CREBBP: variants seen among roughly 807,000 people sequenced by gnomAD.
CREBBP encodes the protein CREB-binding protein.
A neutral mutation model predicts 265.0 loss-of-function variants in CREBBP; 19 were observed. The observed-to-expected ratio is 0.07, with a 90% confidence interval of 0.05 to 0.11. The LOEUF (loss-of-function observed/expected upper bound fraction) is 0.11, where lower values mean the gene tolerates loss of function less well. Ranked by LOEUF, CREBBP falls within the 10% of genes least tolerant of loss-of-function variation. The pLI, the probability that CREBBP is intolerant of heterozygous loss-of-function variation, is 1.00. For synonymous variants in CREBBP, 1,457 were observed against 1,223.7 expected, an observed-to-expected ratio of 1.19 and a Z score of -3.98; for missense variants, 2,525 against 3,219.0, an observed-to-expected ratio of 0.78 and a Z score of 5.22.
At chr16:3,841,816 A>G (rs1335361738) in intron 2 of CREBBP, among the ~76,000 whole-genome samples, 1 of 152,202 alleles carries the variant, frequency 6.6e-6, no homozygotes, top group Admixed American at 6.5e-5. Flanking sequence ...AATTACGGTC[A>G]CCGGTGAGCT....
intron 2 of CREBBP, among the ~76,000 whole-genome samples, chr16:3,845,313 T>G (rs2054644136): frequency 6.6e-6 from 1 of 152,096 alleles, no homozygotes; most frequent in South Asian, 2.1e-4. Flanking sequence ...ACTAGTGAGG[T>G]CATATACTAA....
chr16:3,767,951 C>T, intron 15 of CREBBP, 42 bp from the exon 16 acceptor site: 1 of 1,587,758 alleles, frequency 6.3e-7, no homozygotes, highest in Non-Finnish European at 8.6e-7. Context: ...TATCAAACAC[C>T]TTTATGTTAC....
chr16:3,865,281 G>A (rs925618833), intron 1 of CREBBP, among the ~76,000 whole-genome samples: 1 of 152,178 alleles, frequency 6.6e-6, no homozygotes, highest in African/African-American at 2.4e-5. Flanking sequence ...ATTCATTAAA[G>A]CACTGTTTGT....
intron 9 of CREBBP, among the ~76,000 whole-genome samples, 155 bp from the exon 10 acceptor site, chr16:3,778,337 T>C (rs908602462): frequency 6.6e-6 from 1 of 152,254 alleles, no homozygotes; most frequent in Admixed American, 6.5e-5. Flanking sequence ...ACATTCTTGC[T>C]GAATTCCCAA....
chr16:3,764,226 C>T (rs60661396), intron 16 of CREBBP, among the ~76,000 whole-genome samples: 1 of 151,990 alleles, frequency 6.6e-6, no homozygotes, highest in East Asian at 1.9e-4. Context: ...CCTGCCTTAG[C>T]CTCCCAAAGT....
intron 26 of CREBBP, 88 bp downstream of exon 26, chr16:3,738,471 A>G: frequency 1.2e-6 from 1 of 837,930 alleles, no homozygotes; most frequent in Non-Finnish European, 2.0e-6. Flanking sequence ...AACGCATAAA[A>G]CTTAAAATAC....
intron 1 of CREBBP, among the ~76,000 whole-genome samples, chr16:3,864,963 G>T (rs745709317): frequency 2.6e-5 from 4 of 152,146 alleles, no homozygotes; most frequent in African/African-American, 7.2e-5. Flanking sequence ...GGAGGCTGAG[G>T]CACCAGAATC....
chr16:3,821,835 G>A (rs1039028488), intron 2 of CREBBP, among the ~76,000 whole-genome samples: 2 of 152,258 alleles, frequency 1.3e-5, no homozygotes, highest in African/African-American at 2.4e-5. Context: ...TTGGAGACCC[G>A]CCTGGCCAAT....
At chr16:3,740,688 T>C in intron 23 of CREBBP, 139 bp from the exon 24 acceptor site, 1 of 1,008,642 alleles carries the variant, frequency 9.9e-7, no homozygotes, top group Non-Finnish European at 1.5e-6. Flanking sequence ...GGAAGAAATC[T>C]AATCTGTCCT....
chr16:3,831,048 G>C (rs2054333706), intron 2 of CREBBP, among the ~76,000 whole-genome samples: 1 of 152,186 alleles, frequency 6.6e-6, no homozygotes, highest in African/African-American at 2.4e-5. Context: ...CCAAAGTGCT[G>C]GGATTACAGG....
intron 1 of CREBBP, among the ~76,000 whole-genome samples, chr16:3,868,592 G>C (rs966896064): frequency 2.0e-4 from 30 of 152,154 alleles, no homozygotes; most frequent in African/African-American, 7.0e-4. Flanking sequence ...CAAGGCCCTT[G>C]GTGATGTTAT....
chr16:3,777,523 A>G (rs1477432033), intron 11 of CREBBP, 90 bp downstream of exon 11: 1 of 1,351,102 alleles, frequency 7.4e-7, no homozygotes, highest in Non-Finnish European at 1.1e-6. Context: ...AGGGTTAGAA[A>G]GAAATATACA....
At chr16:3,815,137 T>C (rs1386305666) in intron 2 of CREBBP, among the ~76,000 whole-genome samples, 1 of 152,220 alleles carries the variant, frequency 6.6e-6, no homozygotes, top group African/African-American at 2.4e-5. Flanking sequence ...TCCCCCACCC[T>C]AGGCTAACAT....
chr16:3,730,020 A>G, intron 30 of CREBBP, 146 bp from the exon 31 acceptor site: 1 of 1,370,642 alleles, frequency 7.3e-7, no homozygotes, highest in Non-Finnish European at 1.0e-6. Flanking sequence ...GCGAGCACGG[A>G]CAGGTGGGAG....
In CREBBP at chr16:3,770,044, T is replaced by C. The variant is rs567142657; in HGVS notation, c.2880+526A>G. Reference sequence around the variant, plus strand: ...AGCCATCATGCCCGGCTAATTTTTATATTTTTGTAGAGACAAGGTTTCACA... The same window carrying C: ...AGCCATCATGCCCGGCTAATTTTTACATTTTTGTAGAGACAAGGTTTCACA... On this transcript the variant is annotated intron_variant, in intron 14 of 30. Coordinates refer to ENST00000262367, the MANE Select transcript of CREBBP (RefSeq NM_004380.3). 3.3e-5 allele frequency among the ~76,000 whole-genome samples: 5 copies of C among 152,258 alleles called. No individual in the cohort carries two copies. The South Asian group carries it at 8.3e-4, about 25-fold the overall frequency.
intron 16 of CREBBP, among the ~76,000 whole-genome samples, chr16:3,760,821 G>T (rs1160961663): frequency 1.3e-5 from 2 of 151,918 alleles, no homozygotes; most frequent in African/African-American, 2.4e-5. Flanking sequence ...GGGCTCAAGT[G>T]ATCTTGTCAT....
chr16:3,853,580 A>C (rs56825227), intron 1 of CREBBP, among the ~76,000 whole-genome samples: 1,940 of 152,142 alleles, frequency 0.013, 40 homozygotes, highest in African/African-American at 0.043. Flanking sequence ...ACTGCACTCC[A>C]GCCTGGATGA....
chr16:3,811,789 CG>C (rs2053942945), intron 2 of CREBBP, among the ~76,000 whole-genome samples: 1 of 152,156 alleles, frequency 6.6e-6, no homozygotes, highest in African/African-American at 2.4e-5. Flanking sequence ...CCACCGTGCC[CG>C]GCCCCTTACG....
At chr16:3,853,171 A>G (rs1233788778) in intron 1 of CREBBP, among the ~76,000 whole-genome samples, 6 of 152,176 alleles carry the variant, frequency 3.9e-5, no homozygotes, top group Non-Finnish European at 7.3e-5. Context: ...CCTACACCTC[A>G]TAACGCTGTT....
Sources: allele counts gnomAD v4.1 joint callset (sites outside exome capture counted in the v4.1 genomes callset), GRCh38; gene constraint gnomAD v4.1.1; transcripts MANE v1.5; gene names NCBI Gene and HGNC (gene_info 2026-07-23, HGNC 2026-07-21).